XYLT1: variants seen among roughly 807,000 people sequenced by gnomAD.
XYLT1 encodes the protein beta-D-xylosyltransferase 1.
A neutral mutation model predicts 91.3 loss-of-function variants in XYLT1; 36 were observed. The ratio of observed to expected loss-of-function variants is 0.39; its 90% CI spans 0.30 to 0.52. The LOEUF is 0.52. Ranked by LOEUF, XYLT1 falls within the 20% of genes least tolerant of loss-of-function variation. The pLI is 0.68. For missense variants in XYLT1, 1,242 were observed against 1,284.5 expected, an observed-to-expected ratio of 0.97 and a Z score of 0.51; for synonymous variants, 588 against 532.0, an observed-to-expected ratio of 1.11 and a Z score of -1.45.
intron 1 of XYLT1, among the ~76,000 whole-genome samples, chr16:17,385,420 T>C (rs2035737061): frequency 1.3e-5 from 2 of 151,864 alleles, no homozygotes; most frequent in South Asian, 2.1e-4. Flanking sequence ...ACGAAGAAAG[T>C]AGCCTTGTCT....
At chr16:17,158,677 C>T in intron 6 of XYLT1, 152 bp downstream of exon 6, 1 of 738,496 alleles carries the variant, frequency 1.4e-6, no homozygotes, top group South Asian at 1.7e-5. Flanking sequence ...TACTTCAGAT[C>T]CCACGCAGAC....
intron 2 of XYLT1, among the ~76,000 whole-genome samples, chr16:17,298,788 G>A (rs1284337777): frequency 2.6e-5 from 4 of 152,022 alleles, no homozygotes; most frequent in African/African-American, 7.3e-5. Flanking sequence ...TGTTCTCCAG[G>A]CCAGGAAAAA....
At chr16:17,214,855 T>G (rs2032826424) in intron 3 of XYLT1, among the ~76,000 whole-genome samples, 1 of 152,222 alleles carries the variant, frequency 6.6e-6, no homozygotes. Context: ...CCCTCTATGC[T>G]CCTCCAATCA....
intron 2 of XYLT1, among the ~76,000 whole-genome samples, chr16:17,287,192 G>A (rs1172278334): frequency 4.6e-5 from 7 of 152,020 alleles, no homozygotes; most frequent in South Asian, 2.1e-4. Flanking sequence ...CAGGCCTGGC[G>A]TGGATCTAGT....
intron 3 of XYLT1, among the ~76,000 whole-genome samples, chr16:17,206,586 A>G (rs1412353143): frequency 2.0e-5 from 3 of 152,140 alleles, no homozygotes; most frequent in Non-Finnish European, 2.9e-5. Context: ...TGCTTGCGTC[A>G]AATACTTCTC....
chr16:17,311,103 C>T (rs751203424), intron 2 of XYLT1, among the ~76,000 whole-genome samples: 3 of 152,160 alleles, frequency 2.0e-5, no homozygotes, highest in Non-Finnish European at 2.9e-5. Context: ...AGGATAATCA[C>T]CTGCTGCAAA....
At chr16:17,329,210 T>A (rs938601924) in intron 2 of XYLT1, among the ~76,000 whole-genome samples, 2 of 152,232 alleles carry the variant, frequency 1.3e-5, no homozygotes, top group Non-Finnish European at 2.9e-5. Flanking sequence ...GCTGGCAGCA[T>A]TTAGCCCATG....
chr16:17,186,956 G>A (rs1413677617), intron 5 of XYLT1, among the ~76,000 whole-genome samples: 4 of 152,148 alleles, frequency 2.6e-5, no homozygotes, highest in Non-Finnish European at 5.9e-5. Context: ...AATACGCAAG[G>A]TGCAGATGGA....
At chr16:17,392,439 A>T (rs2035831777) in intron 1 of XYLT1, among the ~76,000 whole-genome samples, 1 of 152,188 alleles carries the variant, frequency 6.6e-6, no homozygotes. Context: ...AATCCCATGT[A>T]TAATATTTGC....
intron 5 of XYLT1, among the ~76,000 whole-genome samples, chr16:17,186,257 C>G (rs529398136): frequency 2.0e-5 from 3 of 152,046 alleles, no homozygotes; most frequent in Admixed American, 6.5e-5. Context: ...GCATGTGCCA[C>G]CATACCCAGC....
chr16:17,468,057 G>A (rs764196080), intron 1 of XYLT1, among the ~76,000 whole-genome samples: 5 of 152,166 alleles, frequency 3.3e-5, no homozygotes, highest in Non-Finnish European at 5.9e-5. Context: ...TATTGCTTGC[G>A]AAAAGGTCTG....
At chr16:17,113,140 A>G (rs1464300107) in intron 11 of XYLT1, among the ~76,000 whole-genome samples, 1 of 130,568 alleles carries the variant, frequency 7.7e-6, no homozygotes, top group Non-Finnish European at 1.6e-5. Context: ...TGTCTGGCCT[A>G]TTTATTTATT....
chr16:17,423,986 C>G (rs901074287), intron 1 of XYLT1, among the ~76,000 whole-genome samples: 1 of 152,104 alleles, frequency 6.6e-6, no homozygotes, highest in Non-Finnish European at 1.5e-5. Flanking sequence ...TCCATGGGAA[C>G]CTATAGGACC....
At chr16:17,206,718 A>G (rs139610542) in intron 3 of XYLT1, among the ~76,000 whole-genome samples, 104 of 152,282 alleles carry the variant, frequency 6.8e-4, no homozygotes, top group African/African-American at 2.2e-3. Context: ...CCTGGGTGAC[A>G]GAGTGAGACC....
At chr16:17,322,571 C>G (rs893218150) in intron 2 of XYLT1, among the ~76,000 whole-genome samples, 1 of 152,210 alleles carries the variant, frequency 6.6e-6, no homozygotes, top group African/African-American at 2.4e-5. Context: ...GAATTCCAGC[C>G]TGCCTCAGGA....
chr16:17,279,606 TCATTTTGGATACAC>T (rs2034027358), intron 2 of XYLT1, among the ~76,000 whole-genome samples: 1 of 152,152 alleles, frequency 6.6e-6, no homozygotes, highest in Admixed American at 6.5e-5. Flanking sequence ...AACAAGTGTG[TCATTTTGGATACAC>T]TGTGGGCTAA....
At chr16:17,214,479 CT>C (rs1442831894) in intron 3 of XYLT1, among the ~76,000 whole-genome samples, 4 of 152,188 alleles carry the variant, frequency 2.6e-5, no homozygotes, top group African/African-American at 9.7e-5. Context: ...TGTCTTTCCC[CT>C]GTCTCCTATG....
In XYLT1 at chr16:17,303,998, C is replaced by CGTGT. The variant is rs140606021; in HGVS notation, c.403-44504_403-44501dup. On this transcript the variant is annotated intron_variant, in intron 2 of 11. Coordinates refer to ENST00000261381, the MANE Select transcript of XYLT1 (RefSeq NM_022166.4). Reference sequence around the variant, plus strand: ...CAATGCATGTGTGTATATACATGTGCGTGTGTGTGTGTGTGTGTACAGGTG... The same window carrying CGTGT: ...CAATGCATGTGTGTATATACATGTGCGTGTGTGTGTGTGTGTGTGTGTACAGGTG... Among the ~76,000 whole-genome samples the CGTGT allele has an allele frequency of 3.9e-3, 588 of 150,116 alleles. 2 individuals are homozygous for CGTGT. Among genetic ancestry groups the CGTGT allele is most frequent in the African/African-American group, 0.014 (572 of 41,054 alleles).
chr16:17,258,856 G>A (rs1476139946), intron 3 of XYLT1, 132 bp downstream of exon 3: 11 of 1,133,634 alleles, frequency 9.7e-6, no homozygotes, highest in South Asian at 3.0e-5. Context: ...ATCAGATCTC[G>A]TGTGCTCATC....
Sources: allele counts gnomAD v4.1 joint callset (sites outside exome capture counted in the v4.1 genomes callset), GRCh38; gene constraint gnomAD v4.1.1; transcripts MANE v1.5; gene names NCBI Gene and HGNC (gene_info 2026-07-23, HGNC 2026-07-21).